The following HDAC9 variants were observed in gnomAD, a reference collection of about 807,000 sequenced individuals.
HDAC9 encodes histone deacetylase 9.
HDAC9 carries 41 observed loss-of-function variants against 139.4 expected under a neutral mutation model. The observed-to-expected ratio is 0.29, with a 90% confidence interval of 0.23 to 0.38. The LOEUF is 0.38. Among genes scored for constraint, HDAC9 ranks in the 10% least tolerant of loss-of-function variants. HDAC9 has a pLI of 1.00. For synonymous variants in HDAC9, 517 were observed against 476.2 expected (o/e 1.09, Z -1.12); for missense variants, 1,147 against 1,297.0 (o/e 0.88, Z 1.78).
intron 2 of HDAC9, among the ~76,000 whole-genome samples, chr7:18,266,244 C>T (rs183655193): frequency 1.2e-3 from 179 of 152,230 alleles, no homozygotes; most frequent in Admixed American, 2.8e-3. Context: ...TGGTGGCCAA[C>T]GCACAATTTC....
At chr7:18,241,225 C>T (rs1584796708) in intron 2 of HDAC9, among the ~76,000 whole-genome samples, 1 of 152,100 alleles carries the variant, frequency 6.6e-6, no homozygotes, top group East Asian at 1.9e-4. Flanking sequence ...AATTGTTACT[C>T]CACAAAACAA....
At chr7:18,100,238 A>T (rs771764531) in intron 1 of HDAC9, among the ~76,000 whole-genome samples, 4 of 151,842 alleles carry the variant, frequency 2.6e-5, no homozygotes, top group Non-Finnish European at 4.4e-5. Context: ...TATTCTGTTT[A>T]TTCCTGGTTT....
intron 21 of HDAC9, among the ~76,000 whole-genome samples, chr7:18,865,375 A>T (rs1798414396): frequency 6.6e-6 from 1 of 152,162 alleles, no homozygotes. Flanking sequence ...TTGAGGCAAT[A>T]AAAAAGGGAG....
At chr7:18,354,669 T>G (rs1783115051) in intron 1 of HDAC9, among the ~76,000 whole-genome samples, 1 of 152,196 alleles carries the variant, frequency 6.6e-6, no homozygotes, top group Non-Finnish European at 1.5e-5. Context: ...TGCTTTCTTC[T>G]TTTGTCTAAT....
At chr7:18,652,023 A>G (rs375440907) in intron 11 of HDAC9, among the ~76,000 whole-genome samples, 35 of 152,190 alleles carry the variant, frequency 2.3e-4, no homozygotes, top group African/African-American at 8.2e-4. Flanking sequence ...TTAATCATAA[A>G]GAAATCAAGG....
chr7:18,522,225 A>G (rs901518139), intron 2 of HDAC9, among the ~76,000 whole-genome samples: 1 of 152,214 alleles, frequency 6.6e-6, no homozygotes, highest in African/African-American at 2.4e-5. Flanking sequence ...ACTAAGTACA[A>G]AAAAGCACTT....
At chr7:18,302,293 G>C (rs1192397000) in intron 1 of HDAC9, among the ~76,000 whole-genome samples, 1 of 152,096 alleles carries the variant, frequency 6.6e-6, no homozygotes, top group Non-Finnish European at 1.5e-5. Flanking sequence ...GGACTTACTT[G>C]GCATATGTAG....
intron 2 of HDAC9, among the ~76,000 whole-genome samples, chr7:18,259,826 G>A (rs1266159409): frequency 6.6e-6 from 1 of 152,066 alleles, no homozygotes; most frequent in East Asian, 1.9e-4. Flanking sequence ...TAGAATGAAA[G>A]GAATATATTT....
chr7:18,731,580 A>G (rs1198241254), intron 13 of HDAC9, among the ~76,000 whole-genome samples: 1 of 152,172 alleles, frequency 6.6e-6, no homozygotes, highest in Non-Finnish European at 1.5e-5. Flanking sequence ...TCTTCATTCT[A>G]TTTCCTGAGA....
chr7:18,867,883 C>T (rs984959033), intron 21 of HDAC9, among the ~76,000 whole-genome samples: 7 of 151,964 alleles, frequency 4.6e-5, no homozygotes, highest in African/African-American at 1.2e-4. Context: ...CTCTTCTGGG[C>T]GATTTCTTCA....
chr7:18,410,490 G>A (rs545115516), intron 1 of HDAC9, among the ~76,000 whole-genome samples: 4 of 152,234 alleles, frequency 2.6e-5, no homozygotes, highest in South Asian at 2.1e-4. Flanking sequence ...CGTGACAATT[G>A]TGTGCATATA....
At chr7:18,239,394 A>G (rs1794040297) in intron 2 of HDAC9, among the ~76,000 whole-genome samples, 1 of 152,158 alleles carries the variant, frequency 6.6e-6, no homozygotes, top group Non-Finnish European at 1.5e-5. Context: ...ACCACATAGC[A>G]TGGAGAGGAG....
At chr7:18,492,094 C>G (rs982610541), upstream of HDAC9, among the ~76,000 whole-genome samples, 1 of 151,926 alleles carries the variant, frequency 6.6e-6, no homozygotes. Flanking sequence ...ATCCTGCATA[C>G]GACCAAAAAC....
chr7:18,709,732 T>A (rs1201475407), intron 12 of HDAC9, among the ~76,000 whole-genome samples: 1 of 152,198 alleles, frequency 6.6e-6, no homozygotes, highest in African/African-American at 2.4e-5. Flanking sequence ...GATTATCATA[T>A]AATAAAGCAC....
intron 2 of HDAC9, among the ~76,000 whole-genome samples, chr7:18,205,362 C>G (rs936193187): frequency 2.6e-5 from 4 of 151,922 alleles, no homozygotes; most frequent in Admixed American, 1.3e-4. Flanking sequence ...AGGTTCAGGT[C>G]TTCTTTTCCA....
intron 16 of HDAC9, among the ~76,000 whole-genome samples, chr7:18,789,397 A>T (rs79904274): frequency 3.2e-4 from 48 of 152,258 alleles, no homozygotes; most frequent in African/African-American, 1.1e-3. Context: ...ATTTATGTGC[A>T]TGGAAAGAAA....
At chr7:18,596,333 CTCTA>C (rs1832488129) in intron 6 of HDAC9, among the ~76,000 whole-genome samples, 1 of 152,054 alleles carries the variant, frequency 6.6e-6, no homozygotes, top group Admixed American at 6.6e-5. Flanking sequence ...GCTTTCTATA[CTCTA>C]TCTAAAATAC....
chr7:18,983,616 A>C (rs1054648121), intron 25 of HDAC9, among the ~76,000 whole-genome samples: 2 of 152,156 alleles, frequency 1.3e-5, no homozygotes, highest in African/African-American at 4.8e-5. Flanking sequence ...TAAAATTAGA[A>C]TTGCTGGGTT....
chr7:18,326,553 C>A (rs953971135), intron 1 of HDAC9, among the ~76,000 whole-genome samples: 12 of 151,926 alleles, frequency 7.9e-5, no homozygotes, highest in African/African-American at 2.4e-4. Context: ...AACATGCTGC[C>A]ATAACTTCTG....
Sources: gnomAD v4.1 joint callset for allele counts (sites outside exome capture counted in the v4.1 genomes callset) on GRCh38, gnomAD v4.1.1 for gene constraint, MANE v1.5 for transcripts, NCBI Gene and HGNC (gene_info 2026-07-23, HGNC 2026-07-21) for gene names.